The following POLR1E variants were observed in gnomAD, a reference collection of about 807,000 sequenced individuals.
POLR1E encodes the protein DNA-directed RNA polymerase I subunit RPA49.
Under a neutral mutation model 50.9 loss-of-function variants are expected in POLR1E, and 37 were observed. The observed-to-expected ratio is 0.73, with a 90% CI of 0.56 to 0.96. POLR1E has a LOEUF of 0.96. Among genes scored for constraint, POLR1E ranks in the 40% least tolerant of loss-of-function variants. The pLI is 0.00. For missense variants in POLR1E, 426 were observed against 518.1 expected (o/e 0.82, Z 1.73); for synonymous variants, 166 against 191.6 (o/e 0.87, Z 1.10).
rs542323356 is a variant in POLR1E, at chr9:37,503,341, G to A, written c.*139G>A. ...ACCTGAAATCCCAGCACTTTGGGAG[G>A]CCGAGGCAGGAAGATCATTGAGCTC... On this transcript the variant is annotated 3_prime_UTR_variant, in exon 12 of 12. Transcript: ENST00000377798. 94 of 1,055,270 alleles carry A rather than the reference G, an allele frequency of 8.9e-5. 2 individuals carry two copies. In the Middle Eastern group the frequency reaches 9.8e-4, roughly 11 times the overall value. The allele number at this position is 1,055,270 out of a possible 1,614,324, so 65.4% of individuals were successfully genotyped here. A position where few individuals can be genotyped will look rare whatever the true frequency, so the allele number is the denominator to read the frequency against.
chr9:37,503,098 G>A lies in POLR1E; in HGVS notation c.1156G>A (p.Val386Met). 6.2e-7 allele frequency: 1 copy of A among 1,614,060 alleles called. No individual in the cohort carries two copies. Among genetic ancestry groups the A allele is most frequent in the Non-Finnish European group, 8.5e-7 (1 of 1,180,006 alleles). ...GAAGATCTCCAAAAGAAGGGTGTCT[G>A]TGGCCGCCGGCAGTGAAGAAGATCA... is the stretch of plus-strand genomic sequence containing the variant. ...RLKISKRRVS[V>M]AAGSEEDHKL... is the part of the protein sequence containing the mutation. Residue 386 changes from valine to methionine, a missense_variant, in exon 12 of 12, where the codon GTG becomes ATG. By Grantham distance (21) the Val-to-Met change is conservative. Coordinates refer to ENST00000377798, the MANE Select transcript of POLR1E (RefSeq NM_022490.4).
intron 4 of POLR1E, 43 bp from the exon 5 acceptor site, chr9:37,492,614 C>T (rs542067802): frequency 6.4e-7 from 1 of 1,570,580 alleles, no homozygotes; most frequent in African/African-American, 1.3e-5. Context: ...TGTAGGCCTC[C>T]CAATTGACTT....
intron 6 of POLR1E, among the ~76,000 whole-genome samples, chr9:37,494,413 T>C (rs895930951): frequency 6.6e-6 from 1 of 152,176 alleles, no homozygotes; most frequent in African/African-American, 2.4e-5. Flanking sequence ...CCTATGATTA[T>C]ATAGATTTCA....
intron 7 of POLR1E, among the ~76,000 whole-genome samples, 168 bp from the exon 8 acceptor site, chr9:37,495,722 G>C (rs1820772625): frequency 6.6e-6 from 1 of 152,174 alleles, no homozygotes; most frequent in African/African-American, 2.4e-5. Context: ...GCTCTGGGCT[G>C]GGAGTCGGAG....
At chr9:37,491,476 T>C (rs1820684249) in intron 4 of POLR1E, among the ~76,000 whole-genome samples, 1 of 152,068 alleles carries the variant, frequency 6.6e-6, no homozygotes, top group African/African-American at 2.4e-5. Context: ...ATTTTTTTTT[T>C]TTTTTGAGAC....
In POLR1E at chr9:37,487,790, G is replaced by C. The variant is rs1820605148; in HGVS notation, c.181-73G>C. Reference sequence around the variant, plus strand: ...TCTGGATTCAAAAGCCTCAGCAAATGTAGAAAAGAGAAATGATGCTTAATA... The same window carrying C: ...TCTGGATTCAAAAGCCTCAGCAAATCTAGAAAAGAGAAATGATGCTTAATA... On this transcript the variant is annotated intron_variant, in intron 2 of 11. Transcript: ENST00000377798. 4.9e-6 allele frequency: 7 copies of C among 1,426,748 alleles called. No individual in the cohort carries two copies. In the Admixed American group the frequency reaches 8.5e-5, roughly 17 times the overall value. 88.4% of individuals were successfully genotyped at this position (1,426,748 alleles called of 1,614,324 possible). A position where few individuals can be genotyped will look rare whatever the true frequency, so the allele number is the denominator to read the frequency against.
At chr9:37,490,933 G>A (rs10814554) in intron 4 of POLR1E, 2 of 421,894 alleles carry the variant, frequency 4.7e-6, no homozygotes, top group Non-Finnish European at 9.1e-6. Context: ...TGGCCGAAAG[G>A]GTTCTTTCTT....
At chr9:37,491,765 A>C (rs1362847410) in intron 4 of POLR1E, among the ~76,000 whole-genome samples, 1 of 152,094 alleles carries the variant, frequency 6.6e-6, no homozygotes, top group Non-Finnish European at 1.5e-5. Context: ...TGCCTAGCCA[A>C]ATTTTACACG....
chr9:37,487,800 G>A, intron 2 of POLR1E, 63 bp from the exon 3 acceptor site: 2 of 1,484,240 alleles, frequency 1.3e-6, no homozygotes, highest in Non-Finnish European at 1.9e-6. Flanking sequence ...GTAGAAAAGA[G>A]AAATGATGCT....
intron 7 of POLR1E, among the ~76,000 whole-genome samples, 170 bp downstream of exon 7, chr9:37,495,446 A>G (rs1387081922): frequency 5.3e-5 from 8 of 152,156 alleles, no homozygotes; most frequent in Admixed American, 3.9e-4. Flanking sequence ...TGGCTTCCTC[A>G]CTAGCTGAGG....
chr9:37,498,601 A>AT (rs1820825562), intron 9 of POLR1E, among the ~76,000 whole-genome samples: 1 of 152,224 alleles, frequency 6.6e-6, no homozygotes, highest in South Asian at 2.1e-4. Flanking sequence ...GTGTGTATAT[A>AT]TAGAGAGAGC....
At chr9:37,495,053 A>G (rs749751700) in intron 6 of POLR1E, 116 bp from the exon 7 acceptor site, 40 of 840,170 alleles carry the variant, frequency 4.8e-5, no homozygotes, top group Non-Finnish European at 7.5e-5. Context: ...CTTTGGCAGA[A>G]GCATTTAGAC....
chr9:37,492,353 A>T, intron 4 of POLR1E: 1 of 1,288,162 alleles, frequency 7.8e-7, no homozygotes, highest in South Asian at 1.2e-5. Flanking sequence ...TGTCTCTGCC[A>T]CTACCTGGTG....
At chr9:37,492,600 T>C in intron 4 of POLR1E, 57 bp from the exon 5 acceptor site, 1 of 1,469,310 alleles carries the variant, frequency 6.8e-7, no homozygotes, top group Non-Finnish European at 9.5e-7. Flanking sequence ...ACACTATTAC[T>C]ATTTGTAGGC....
rs1820659722 is a variant in POLR1E, at chr9:37,490,374, G to A, written c.343+974G>A. Reference sequence around the variant, plus strand: ...GAACACCACACTTCTACTCAATGAAGAGAAACATTTTTACAGTCCAGAGGT... The same window carrying A: ...GAACACCACACTTCTACTCAATGAAAAGAAACATTTTTACAGTCCAGAGGT... On this transcript the variant is annotated intron_variant, in intron 4 of 11. Transcript: ENST00000377798. The A allele has an allele frequency of 1.6e-5, 10 of 639,890 alleles. No homozygotes were observed. The Admixed American group carries it at 2.0e-4, about 13-fold the overall frequency. 39.6% of individuals were successfully genotyped at this position (639,890 alleles called of 1,614,324 possible).
intron 2 of POLR1E, 75 bp from the exon 3 acceptor site, chr9:37,487,788 A>G: frequency 7.1e-7 from 1 of 1,408,594 alleles, no homozygotes; most frequent in Non-Finnish European, 1.0e-6. Flanking sequence ...GCCTCAGCAA[A>G]TGTAGAAAAG....
intron 10 of POLR1E, 78 bp downstream of exon 10, chr9:37,500,999 A>G: frequency 1.5e-6 from 2 of 1,342,278 alleles, no homozygotes; most frequent in South Asian, 1.2e-5. Context: ...AGGGGCTTGG[A>G]CTCAATTCCA....
At position 37,501,738 on chromosome 9, in the gene POLR1E, A is replaced by G. The variant is rs144866314; in HGVS notation, c.994A>G (p.Met332Val). The change falls in exon 11 of 12, where the codon ATG (methionine) becomes GTG (valine). Residue 332 changes from methionine to valine, a missense_variant. Coordinates refer to ENST00000377798, the MANE Select transcript of POLR1E (RefSeq NM_022490.4). ...ATTACGGAACTTAATTTCGGATTCT[A>G]TGAAGGCGAAGATTACTGCATATGT... ...GRLRNLISDS[M>V]KAKITAYVII... 3.4e-4 allele frequency: 543 copies of G among 1,612,032 alleles called. 2 individuals are homozygous for G. The East Asian group carries it at 3.8e-3, about 11-fold the overall frequency.
intron 11 of POLR1E, 37 bp from the exon 12 acceptor site, chr9:37,503,006 G>A: frequency 1.3e-6 from 2 of 1,573,392 alleles, no homozygotes; most frequent in Non-Finnish European, 1.7e-6. Context: ...GTCATGTTGA[G>A]GGGTCTCTCC....
Sources: allele counts gnomAD v4.1 joint callset (sites outside exome capture counted in the v4.1 genomes callset), GRCh38; gene constraint gnomAD v4.1.1; transcripts MANE v1.5; gene names NCBI Gene and HGNC (gene_info 2026-07-23, HGNC 2026-07-21).